MCHR2: variants seen among roughly 807,000 people sequenced by gnomAD.
MCHR2 encodes melanin concentrating hormone receptor 2, also known as melanin-concentrating hormone receptor 2.
A neutral mutation model predicts 24.8 loss-of-function variants in MCHR2; 15 were observed. The observed-to-expected ratio is 0.60, with a 90% confidence interval of 0.40 to 0.93. The LOEUF (loss-of-function observed/expected upper bound fraction) is 0.93. Among genes scored for constraint, MCHR2 ranks in the 40% least tolerant of loss-of-function variants. The probability of loss-of-function intolerance (pLI) is 0.00; values close to 1 mark genes in which losing one functional copy is unlikely to be tolerated. For missense variants in MCHR2, 386 were observed against 408.7 expected, an observed-to-expected ratio of 0.94 and a Z score of 0.48; for synonymous variants, 151 against 147.6, an observed-to-expected ratio of 1.02 and a Z score of -0.17.
chr6:99,924,090 T>C (rs999577498), intron 5 of MCHR2, among the ~76,000 whole-genome samples: 1 of 152,138 alleles, frequency 6.6e-6, no homozygotes, highest in African/African-American at 2.4e-5. Flanking sequence ...TTGTTACTTG[T>C]TAGTGGTCTG....
intron 1 of MCHR2, among the ~76,000 whole-genome samples, chr6:99,964,459 C>A (rs192650751): frequency 1.2e-4 from 19 of 152,038 alleles, no homozygotes; most frequent in Non-Finnish European, 2.5e-4. Flanking sequence ...GCTGGGGAAG[C>A]CTCAGGAAAC....
At chr6:99,985,551 A>G (rs2114594774) in intron 1 of MCHR2, among the ~76,000 whole-genome samples, 1 of 152,304 alleles carries the variant, frequency 6.6e-6, no homozygotes, top group South Asian at 2.1e-4. Context: ...AATCTTTGAC[A>G]AAGTTGACAA....
chr6:99,935,085 T>G (rs1046917962), intron 4 of MCHR2, among the ~76,000 whole-genome samples: 10 of 152,060 alleles, frequency 6.6e-5, no homozygotes, highest in Admixed American at 2.6e-4. Flanking sequence ...TTTTCGCTGA[T>G]GCATAATAGA....
intron 1 of MCHR2, among the ~76,000 whole-genome samples, chr6:99,967,566 T>C (rs1468845344): frequency 6.6e-6 from 1 of 152,172 alleles, no homozygotes; most frequent in Non-Finnish European, 1.5e-5. Flanking sequence ...TTAAGTGAAA[T>C]GGTAAGCCAG....
intron 1 of MCHR2, among the ~76,000 whole-genome samples, chr6:99,970,856 A>T (rs1307151642): frequency 6.6e-6 from 1 of 152,200 alleles, no homozygotes; most frequent in Non-Finnish European, 1.5e-5. Context: ...AGGTTTGTCA[A>T]AAATCAGATG....
At chr6:99,963,918 T>A (rs1277102198) in intron 1 of MCHR2, among the ~76,000 whole-genome samples, 1 of 151,958 alleles carries the variant, frequency 6.6e-6, no homozygotes, top group Non-Finnish European at 1.5e-5. Flanking sequence ...ATATAAACTA[T>A]CTATACAAAC....
intron 1 of MCHR2, among the ~76,000 whole-genome samples, chr6:99,974,702 T>G (rs1290927384): frequency 6.6e-6 from 1 of 152,210 alleles, no homozygotes; most frequent in Non-Finnish European, 1.5e-5. Context: ...TATCTACTTT[T>G]GGTCTTTGAT....
At chr6:99,971,698 T>C (rs1409758009) in intron 1 of MCHR2, among the ~76,000 whole-genome samples, 3 of 152,240 alleles carry the variant, frequency 2.0e-5, no homozygotes, top group African/African-American at 7.2e-5. Flanking sequence ...GCTGTGGGCT[T>C]GTCATAGATA....
At chr6:99,980,445 A>G (rs1232021981) in intron 1 of MCHR2, among the ~76,000 whole-genome samples, 1 of 152,156 alleles carries the variant, frequency 6.6e-6, no homozygotes, top group Admixed American at 6.5e-5. Flanking sequence ...AGGTCAAGAT[A>G]ATTCTATAGA....
At chr6:99,992,435 G>T (rs982383922) in intron 1 of MCHR2, among the ~76,000 whole-genome samples, 1 of 152,190 alleles carries the variant, frequency 6.6e-6, no homozygotes. Flanking sequence ...GGACTTAGCA[G>T]TATACACAAC....
At chr6:99,929,352 G>A (rs1186346480) in intron 5 of MCHR2, among the ~76,000 whole-genome samples, 4 of 152,028 alleles carry the variant, frequency 2.6e-5, no homozygotes, top group Non-Finnish European at 5.9e-5. Context: ...TGTCTATTAG[G>A]TCTGCTTGGT....
intron 1 of MCHR2, among the ~76,000 whole-genome samples, chr6:99,972,044 A>C (rs567427733): frequency 1.0e-3 from 155 of 152,178 alleles, no homozygotes; most frequent in African/African-American, 3.6e-3. Context: ...TATCTCTGCC[A>C]GGCTTTGGTA....
At chr6:99,921,581 T>C (rs1263225076) in intron 5 of MCHR2, among the ~76,000 whole-genome samples, 1 of 152,198 alleles carries the variant, frequency 6.6e-6, no homozygotes, top group Admixed American at 6.5e-5. Flanking sequence ...TCATGAAGAA[T>C]TGGGTATCCA....
At chr6:99,930,493 G>C (rs1047265539) in intron 5 of MCHR2, among the ~76,000 whole-genome samples, 1 of 152,158 alleles carries the variant, frequency 6.6e-6, no homozygotes, top group African/African-American at 2.4e-5. Flanking sequence ...ACGTAGATTT[G>C]GTCTTTTCAC....
At chr6:99,949,830 C>T (rs1396084773) in intron 2 of MCHR2, among the ~76,000 whole-genome samples, 5 of 151,914 alleles carry the variant, frequency 3.3e-5, no homozygotes, top group Non-Finnish European at 7.4e-5. Flanking sequence ...CTCTCATCCC[C>T]TGTCCTCTTC....
intron 1 of MCHR2, among the ~76,000 whole-genome samples, chr6:99,971,565 C>T (rs1021334479): frequency 5.3e-5 from 8 of 152,128 alleles, no homozygotes; most frequent in African/African-American, 1.9e-4. Context: ...CTTCTCCTGC[C>T]TCATTGCCCT....
Position 99,921,086 on chromosome 6 carries a change from A to G in MCHR2, c.877T>C (p.Cys293Arg). The change falls in exon 6 of 6, where the codon TGT becomes CGT. Residue 293 changes from cysteine (C) to arginine (R), a missense_variant. Transcript: ENST00000281806. ...ATGCTGCTGCTGGCATAGCTGAGAC[A>G]GATGGAGAGGTAATAACCCACATAG... ...AFYVGYYLSI[C>R]LSYASSSINP... 1 of 1,614,230 alleles carries G rather than the reference A, an allele frequency of 6.2e-7. No homozygotes were observed.
chr6:99,929,050 T>C (rs1418063997), intron 5 of MCHR2, among the ~76,000 whole-genome samples: 1 of 152,182 alleles, frequency 6.6e-6, no homozygotes, highest in Non-Finnish European at 1.5e-5. Context: ...TTTGTTCTCG[T>C]TGGTTTCAAA....
At chr6:99,946,038 A>G (rs1562123542) in intron 3 of MCHR2, among the ~76,000 whole-genome samples, 1 of 151,918 alleles carries the variant, frequency 6.6e-6, no homozygotes, top group Non-Finnish European at 1.5e-5. Flanking sequence ...TTTTTTCAAA[A>G]AAAGCCAATA....
Sources: gnomAD v4.1 joint callset for allele counts (sites outside exome capture counted in the v4.1 genomes callset) on GRCh38, gnomAD v4.1.1 for gene constraint, MANE v1.5 for transcripts, NCBI Gene and HGNC (gene_info 2026-07-23, HGNC 2026-07-21) for gene names.